The following YBEY variants were observed in gnomAD, a reference collection of about 807,000 sequenced individuals.
YBEY encodes the protein ybeY metalloendoribonuclease.
A neutral mutation model predicts 13.5 loss-of-function variants in YBEY; 15 were observed. The ratio of observed to expected loss-of-function variants is 1.11; its 90% CI spans 0.75 to 1.72. The LOEUF (loss-of-function observed/expected upper bound fraction) is 1.72. YBEY is among the 40% of genes most tolerant of loss of function. The probability of loss-of-function intolerance (pLI) is 0.00; values close to 1 mark genes in which losing one functional copy is unlikely to be tolerated. For synonymous variants in YBEY, 101 were observed against 83.1 expected (o/e 1.21, Z -1.17); for missense variants, 244 against 208.4 (o/e 1.17, Z -1.05).
chr21:46,312,520 C>T, the YBEY span, among the ~76,000 whole-genome samples: 1 of 152,086 alleles, frequency 6.6e-6, no homozygotes, highest in Non-Finnish European at 1.5e-5. Context: ...GGTTTCACCA[C>T]GTTGGCCAGG....
At chr21:46,289,519 C>T (rs1433820206) in intron 2 of YBEY, among the ~76,000 whole-genome samples, 3 of 148,242 alleles carry the variant, frequency 2.0e-5, no homozygotes, top group African/African-American at 7.5e-5. Context: ...AATCTCGGCT[C>T]ACTGCAACCT....
At chr21:46,303,735 ATATATATATATTTTTTTTT>A in the YBEY span, among the ~76,000 whole-genome samples, 15 of 28,126 alleles carry the variant, frequency 5.3e-4, no homozygotes, top group African/African-American at 8.6e-4. Context: ...ATATATATAT[ATATATATATATTTTTTTTT>A]TTTTTTTTTT....
intron 2 of YBEY, among the ~76,000 whole-genome samples, chr21:46,290,465 A>G (rs986729286): frequency 6.6e-6 from 1 of 151,678 alleles, no homozygotes; most frequent in African/African-American, 2.4e-5. Flanking sequence ...CGGCCTCCCA[A>G]AGTGCTGGGA....
chr21:46,291,317 A>G lies in YBEY; in HGVS notation c.211-17A>G, dbSNP rs373666382. 1.6e-5 allele frequency: 26 copies of G among 1,613,622 alleles called. No individual in the cohort carries two copies. Among genetic ancestry groups the G allele is most frequent in the African/African-American group, 6.7e-5 (5 of 74,858 alleles). ...TACGTTTCCTGTTCTCTAAGTCTAC[A>G]TTTCCTCATTTTTTAGCATCTGAAA... On this transcript the variant is annotated splice_polypyrimidine_tract_variant and intron_variant, in intron 2 of 4. Coordinates refer to ENST00000397701, the MANE Select transcript of YBEY (RefSeq NM_001314025.2).
At chr21:46,308,094 A>AGT in the YBEY span, among the ~76,000 whole-genome samples, 8 of 152,078 alleles carry the variant, frequency 5.3e-5, no homozygotes, top group Admixed American at 1.3e-4. Flanking sequence ...CCTGGGTTCA[A>AGT]GTGATTCTCC....
the YBEY span, among the ~76,000 whole-genome samples, chr21:46,311,083 G>A: frequency 1.3e-5 from 2 of 151,970 alleles, no homozygotes; most frequent in East Asian, 3.9e-4. Context: ...TGTGGGCCAG[G>A]CTGGTCTCGA....
intron 1 of YBEY, 92 bp from the exon 2 acceptor site, chr21:46,286,778 A>T: frequency 1.3e-6 from 1 of 750,936 alleles, no homozygotes. Flanking sequence ...CAGTTCCACC[A>T]AATAAAGTGA....
chr21:46,301,970 G>A, downstream of YBEY: 1 of 1,489,358 alleles, frequency 6.7e-7, no homozygotes, highest in South Asian at 1.3e-5. Context: ...GGTGGAGGGT[G>A]CCCCGGCCAG....
chr21:46,304,479 C>T, the YBEY span, among the ~76,000 whole-genome samples: 2 of 151,036 alleles, frequency 1.3e-5, no homozygotes, highest in Admixed American at 6.6e-5. Context: ...GAGTGAGACC[C>T]TGTCTCTTAG....
downstream of YBEY, among the ~76,000 whole-genome samples, chr21:46,298,843 G>C (rs967281444): frequency 6.6e-6 from 1 of 151,620 alleles, no homozygotes; most frequent in Non-Finnish European, 1.5e-5. Flanking sequence ...TCCTGCCTCA[G>C]CCTCCCGAGC....
downstream of YBEY, chr21:46,301,016 C>T: frequency 1.0e-6 from 1 of 963,478 alleles, no homozygotes; most frequent in South Asian, 2.4e-5. Context: ...CTCACCTTTG[C>T]TTTACAGGAA....
chr21:46,309,837 A>C, the YBEY span, among the ~76,000 whole-genome samples: 1 of 151,954 alleles, frequency 6.6e-6, no homozygotes, highest in Non-Finnish European at 1.5e-5. Flanking sequence ...TCTATTAAAA[A>C]TACAAAAAAT....
chr21:46,288,117 T>A (rs1260082255), intron 2 of YBEY, among the ~76,000 whole-genome samples: 2 of 152,168 alleles, frequency 1.3e-5, no homozygotes, highest in African/African-American at 4.8e-5. Context: ...CTGCAATATT[T>A]TTGCAGTTTT....
At chr21:46,304,498 A>C in the YBEY span, among the ~76,000 whole-genome samples, 1 of 152,028 alleles carries the variant, frequency 6.6e-6, no homozygotes, top group Non-Finnish European at 1.5e-5. Context: ...AGAAAAAAAA[A>C]AACCTCAAAA....
At position 46,290,227 on chromosome 21, in the gene YBEY, G is replaced by A. The variant is rs576194483; in HGVS notation, c.211-1107G>A. Among the ~76,000 whole-genome samples, 63 of 150,848 alleles carry A rather than the reference G, an allele frequency of 4.2e-4. No homozygotes were observed. The South Asian group carries it at 0.013, about 30-fold the overall frequency. Reference sequence around the variant, plus strand: ...ACAAATTCCTTTTTTTTTTTGAGACGGAGTCTTGCTCTGTCAGCCAGGCTG... The same window carrying A: ...ACAAATTCCTTTTTTTTTTTGAGACAGAGTCTTGCTCTGTCAGCCAGGCTG... On this transcript the variant is annotated intron_variant, in intron 2 of 4. Transcript: ENST00000397701.
downstream of YBEY, chr21:46,302,420 T>A (rs2082147339): frequency 7.6e-7 from 1 of 1,320,250 alleles, no homozygotes; most frequent in Admixed American, 2.0e-5. Context: ...TGCAGAAATT[T>A]CCAGAAGAAA....
chr21:46,308,469 A>AG, the YBEY span, among the ~76,000 whole-genome samples: 2 of 152,102 alleles, frequency 1.3e-5, no homozygotes, highest in African/African-American at 4.8e-5. Flanking sequence ...TCAAAAAAAA[A>AG]GAGTTAAATC....
At chr21:46,291,483 C>T in intron 3 of YBEY, 21 bp downstream of exon 3, 1 of 1,612,820 alleles carries the variant, frequency 6.2e-7, no homozygotes, top group Non-Finnish European at 8.5e-7. Flanking sequence ...ATGCTGAAAT[C>T]ATATAACCTG....
the YBEY span, among the ~76,000 whole-genome samples, chr21:46,303,737 ATATATATATTTTTTTTTT>A: frequency 1.6e-3 from 47 of 30,196 alleles, 2 homozygotes; most frequent in Admixed American, 4.4e-3. Context: ...ATATATATAT[ATATATATATTTTTTTTTT>A]TTTTTTTTTT....
Sources: gnomAD v4.1 joint callset for allele counts (sites outside exome capture counted in the v4.1 genomes callset) on GRCh38, gnomAD v4.1.1 for gene constraint, MANE v1.5 for transcripts, NCBI Gene and HGNC (gene_info 2026-07-23, HGNC 2026-07-21) for gene names.